Variants in THSD7A observed in about 807,000 individuals in gnomAD.
The protein encoded by THSD7A is thrombospondin type 1 domain containing 7A, also known as thrombospondin type-1 domain-containing protein 7A.
Under a neutral mutation model 231.3 loss-of-function variants are expected in THSD7A, and 96 were observed. That is an observed-to-expected ratio of 0.41 (90% CI 0.35 to 0.49). The LOEUF is 0.49. Ranked by LOEUF, THSD7A falls within the 20% of genes least tolerant of loss-of-function variation. The pLI is 0.05. For missense variants in THSD7A, 2,290 were observed against 2,070.2 expected (o/e 1.11, Z -2.06); for synonymous variants, 940 against 743.3 (o/e 1.26, Z -4.30).
chr7:11,486,850 A>C (rs995321374), intron 6 of THSD7A, among the ~76,000 whole-genome samples: 1 of 152,198 alleles, frequency 6.6e-6, no homozygotes, highest in Non-Finnish European at 1.5e-5. Flanking sequence ...CATTTATAAA[A>C]CAGACTAAAT....
chr7:11,397,260 A>T (rs576932502), intron 23 of THSD7A, among the ~76,000 whole-genome samples: 2 of 152,282 alleles, frequency 1.3e-5, no homozygotes, highest in East Asian at 1.9e-4. Context: ...AAATAATAAC[A>T]CACATCTACA....
rs1327527236 is a variant in THSD7A, at chr7:11,414,866, C to CTT, written c.3538-2068_3538-2067dup. Among the ~76,000 whole-genome samples, 4 of 152,164 alleles carry CTT rather than the reference C, an allele frequency of 2.6e-5. No individual in the cohort carries two copies. The East Asian group carries it at 5.8e-4, about 22-fold the overall frequency. ...GTTTCTGCAGTGCACTAGGAGAGGA[C>CTT]TTATGTTTTAGATAGCTGTATATTC... On this transcript the variant is annotated intron_variant, in intron 17 of 27. Coordinates refer to ENST00000423059, the MANE Select transcript of THSD7A (RefSeq NM_015204.3).
intron 6 of THSD7A, among the ~76,000 whole-genome samples, chr7:11,541,094 C>G (rs1216442390): frequency 1.3e-5 from 2 of 152,154 alleles, no homozygotes; most frequent in East Asian, 3.9e-4. Flanking sequence ...AAAAAAGTCA[C>G]TTAAAAAAGT....
At chr7:11,449,320 A>G (rs527562560) in intron 11 of THSD7A, among the ~76,000 whole-genome samples, 12 of 152,244 alleles carry the variant, frequency 7.9e-5, no homozygotes, top group Non-Finnish European at 1.3e-4. Flanking sequence ...AAAGAGTTCC[A>G]TAATCTGGAC....
In THSD7A at chr7:11,684,946, G is replaced by A. The variant is rs574530553; in HGVS notation, c.191-47985C>T. 3.2e-3 allele frequency among the ~76,000 whole-genome samples: 490 copies of A among 151,972 alleles called. 1 individual carries two copies. The highest frequency in any genetic ancestry group is 0.011 in the African/African-American group (444 of 41,520). On this transcript the variant is annotated intron_variant, in intron 1 of 27. Transcript: ENST00000423059. ...CCTAAAGAAAATGAACAAAGCTGGA[G>A]GCATAACATTACTTAACTTCAAATT...
chr7:11,551,857 G>A (rs1015753672), intron 4 of THSD7A, among the ~76,000 whole-genome samples: 6 of 151,990 alleles, frequency 3.9e-5, no homozygotes, highest in Admixed American at 6.6e-5. Flanking sequence ...ATACCCAAAG[G>A]AAAATACATC....
At chr7:11,392,687 C>A (rs533162984) in intron 23 of THSD7A, among the ~76,000 whole-genome samples, 1 of 152,308 alleles carries the variant, frequency 6.6e-6, no homozygotes, top group East Asian at 1.9e-4. Context: ...GACTCTCAAG[C>A]TTGGTGGGAG....
At position 11,447,241 on chromosome 7, in the gene THSD7A, C is replaced by A. The variant is rs776573414; in HGVS notation, c.2789G>T (p.Arg930Leu). The change falls in exon 12 of 28, where the codon CGC becomes CTC. Residue 930 changes from arginine (R) to leucine (L), a missense_variant. Arg to Leu is a moderately radical substitution (Grantham distance 102). Coordinates refer to ENST00000423059, the MANE Select transcript of THSD7A (RefSeq NM_015204.3). ...CCAATTATTCTTACCAACAAGAGTG[C>A]GCTTTCTGGTCCTAACTGCACCACA... is the stretch of plus-strand genomic sequence containing the variant. Reference protein sequence around the residue: ...GDCGAVRTRKRTLVGKSKKKE... With the variant: ...GDCGAVRTRKLTLVGKSKKKE... 1.2e-6 allele frequency: 2 copies of A among 1,612,934 alleles called. No individual in the cohort carries two copies. The highest frequency in any genetic ancestry group is 2.2e-5 in the East Asian group (1 of 44,814).
rs181210521 is a variant in THSD7A, at chr7:11,504,632, A to T, written c.1823-22650T>A. Among the ~76,000 whole-genome samples the T allele has an allele frequency of 4.7e-3, 721 of 152,302 alleles. 19 individuals are homozygous for T. Among genetic ancestry groups the T allele is most frequent in the Admixed American group, 0.044 (674 of 15,280 alleles). On this transcript the variant is annotated intron_variant, in intron 6 of 27. Coordinates refer to ENST00000423059, the MANE Select transcript of THSD7A (RefSeq NM_015204.3). Reference sequence around the variant, plus strand: ...AGTCCAGGATGTGGCAGGTAAGATAATAATCTACATATATTGTAACAAAAT... The same window carrying T: ...AGTCCAGGATGTGGCAGGTAAGATATTAATCTACATATATTGTAACAAAAT...
intron 6 of THSD7A, among the ~76,000 whole-genome samples, chr7:11,495,511 T>C (rs1426088075): frequency 6.6e-6 from 1 of 152,120 alleles, no homozygotes; most frequent in Non-Finnish European, 1.5e-5. Flanking sequence ...CCCAATTCTG[T>C]AGTAGTTGGT....
intron 11 of THSD7A, among the ~76,000 whole-genome samples, chr7:11,455,835 T>C (rs1043860487): frequency 1.3e-5 from 2 of 152,058 alleles, no homozygotes; most frequent in African/African-American, 4.8e-5. Context: ...TTACAATTTT[T>C]AAAGAGGCTC....
chr7:11,717,622 T>A (rs1004945389), intron 1 of THSD7A, among the ~76,000 whole-genome samples: 8 of 151,638 alleles, frequency 5.3e-5, no homozygotes, highest in Non-Finnish European at 7.4e-5. Context: ...GAGACTTCTA[T>A]CCACTACTAG....
chr7:11,465,414 C>T (rs1583792467), intron 9 of THSD7A, among the ~76,000 whole-genome samples: 1 of 151,934 alleles, frequency 6.6e-6, no homozygotes, highest in Non-Finnish European at 1.5e-5. Context: ...AAAAACAGAT[C>T]GTACATCTAG....
chr7:11,786,504 T>C (rs774350845), intron 1 of THSD7A, among the ~76,000 whole-genome samples: 1 of 152,042 alleles, frequency 6.6e-6, no homozygotes, highest in Non-Finnish European at 1.5e-5. Context: ...AAAGGTGTAA[T>C]GCTACAAAAG....
intron 13 of THSD7A, among the ~76,000 whole-genome samples, chr7:11,445,645 G>T (rs896034157): frequency 2.0e-5 from 3 of 151,846 alleles, no homozygotes; most frequent in African/African-American, 7.3e-5. Flanking sequence ...TGCAAATCTT[G>T]CCAGTTTAGG....
chr7:11,569,429 C>G (rs1455370599), intron 4 of THSD7A, among the ~76,000 whole-genome samples: 2 of 152,078 alleles, frequency 1.3e-5, no homozygotes, highest in African/African-American at 4.8e-5. Flanking sequence ...GAAAAAAATG[C>G]TTGACATCAC....
In THSD7A at chr7:11,382,628, T is replaced by C. The variant is rs181706034; in HGVS notation, c.4412-12A>G. 152 of 1,596,270 alleles carry C rather than the reference T, an allele frequency of 9.5e-5. No individual in the cohort carries two copies. The East Asian group carries it at 2.9e-3, about 31-fold the overall frequency. On this transcript the variant is annotated splice_polypyrimidine_tract_variant and intron_variant, in intron 23 of 27. Coordinates refer to ENST00000423059, the MANE Select transcript of THSD7A (RefSeq NM_015204.3). Reference sequence around the variant, plus strand: ...ATAGCACTGTCCATCTGCAGGGAAATAATAAACATTAGCAGAAGCATTCTG... The same window carrying C: ...ATAGCACTGTCCATCTGCAGGGAAACAATAAACATTAGCAGAAGCATTCTG...
chr7:11,564,201 T>A (rs993712244), intron 4 of THSD7A, among the ~76,000 whole-genome samples: 7 of 152,220 alleles, frequency 4.6e-5, no homozygotes, highest in African/African-American at 1.7e-4. Context: ...CTGAAGAGCA[T>A]TCCTTTTTCT....
intron 2 of THSD7A, among the ~76,000 whole-genome samples, chr7:11,618,515 A>T (rs1296435212): frequency 6.6e-6 from 1 of 152,056 alleles, no homozygotes; most frequent in African/African-American, 2.4e-5. Flanking sequence ...GAAGGAGAAG[A>T]ATAGGGCGGG....
Sources: gnomAD v4.1 joint callset for allele counts (sites outside exome capture counted in the v4.1 genomes callset) on GRCh38, gnomAD v4.1.1 for gene constraint, MANE v1.5 for transcripts, NCBI Gene and HGNC (gene_info 2026-07-23, HGNC 2026-07-21) for gene names.